Variants in ITSN1 observed in about 807,000 individuals in gnomAD.
The protein encoded by ITSN1 is intersectin-1.
Under a neutral mutation model 239.8 loss-of-function variants are expected in ITSN1, and 58 were observed. The ratio of observed to expected loss-of-function variants is 0.24; its 90% CI spans 0.20 to 0.30. ITSN1 has a LOEUF of 0.30. ITSN1 is among the 10% of genes least tolerant of loss of function. The pLI is 1.00. For synonymous variants in ITSN1, 780 were observed against 770.8 expected, an observed-to-expected ratio of 1.01 and a Z score of -0.20; for missense variants, 1,558 against 2,103.3, an observed-to-expected ratio of 0.74 and a Z score of 5.07.
Position 33,648,333 on chromosome 21 carries a change from T to C in ITSN1, c.-33+5620T>C, listed in dbSNP as rs531811046. On this transcript the variant is annotated intron_variant, in intron 1 of 39. Transcript: ENST00000381318. ...GCCTTGGAAACTAGGGTACCAGCAA[T>C]TAGAGAGCCAGCAAGTGTCTGAGCA... is the stretch of plus-strand genomic sequence containing the variant. Among the ~76,000 whole-genome samples the C allele has an allele frequency of 2.0e-5, 3 of 152,328 alleles. No homozygotes were observed. The East Asian group carries it at 5.8e-4, about 29-fold the overall frequency.
intron 10 of ITSN1, 138 bp downstream of exon 10, chr21:33,766,150 C>G (rs2068708391): frequency 1.2e-6 from 1 of 861,512 alleles, no homozygotes; most frequent in Admixed American, 2.5e-5. Flanking sequence ...AGACTCTCAT[C>G]TAGGTCTATG....
chr21:33,693,336 T>A (rs1270403914), intron 1 of ITSN1, among the ~76,000 whole-genome samples: 1 of 151,560 alleles, frequency 6.6e-6, no homozygotes, highest in Non-Finnish European at 1.5e-5. Context: ...TTTTTTGTTT[T>A]GTTTTGTTTT....
rs182255495 is a variant in ITSN1 at position 33,825,368 on chromosome 21, T to C, written c.3184-1450T>C. ...GAAAACTCAGCTCTTTCGTCCTACT[T>C]GAATACAGAATTCAGTGTAAAAGCA... On this transcript the variant is annotated intron_variant, in intron 25 of 39. Coordinates refer to ENST00000381318, the MANE Select transcript of ITSN1 (RefSeq NM_003024.3). Among the ~76,000 whole-genome samples, 641 of 152,298 alleles carry C rather than the reference T, an allele frequency of 4.2e-3. 4 individuals are homozygous for C. The highest frequency in any genetic ancestry group is 0.015 in the African/African-American group (618 of 41,564).
rs765494185 is a variant in ITSN1 at position 33,888,189 on chromosome 21, C to G, written c.5055C>G (p.Ile1685Met). ...LGRTEIRVAD[I>M]KKDQGSKGPV... is the part of the protein sequence containing the mutation. ...GGACGGAGATCCGTGTGGCGGACAT[C>G]AAGAAAGACCAGGGCTCCAAAGGTC... Residue 1685 changes from isoleucine to methionine, a missense_variant, in exon 40 of 40, where the codon ATC (isoleucine) becomes ATG (methionine). By Grantham distance (10) the Ile-to-Met change is conservative. Coordinates refer to ENST00000381318, the MANE Select transcript of ITSN1 (RefSeq NM_003024.3). The G allele has an allele frequency of 1.2e-6, 2 of 1,613,990 alleles. No individual in the cohort carries two copies. Among genetic ancestry groups the G allele is most frequent in the African/African-American group, 1.3e-5 (1 of 74,906 alleles).
At chr21:33,730,224 T>C (rs1056431522) in intron 4 of ITSN1, among the ~76,000 whole-genome samples, 2 of 152,038 alleles carry the variant, frequency 1.3e-5, no homozygotes, top group South Asian at 2.1e-4. Context: ...CCCTCTTCTA[T>C]CCCTTTACCC....
chr21:33,662,587 C>T (rs898507136), intron 1 of ITSN1, among the ~76,000 whole-genome samples: 1 of 152,060 alleles, frequency 6.6e-6, no homozygotes, highest in Non-Finnish European at 1.5e-5. Context: ...TGAATGATAC[C>T]CATTTTCCTA....
intron 9 of ITSN1, 73 bp downstream of exon 9, chr21:33,762,059 AG>A: frequency 9.5e-7 from 1 of 1,050,016 alleles, no homozygotes; most frequent in Non-Finnish European, 1.5e-6. Context: ...CATGGGTTTT[AG>A]ATTAATACCG....
chr21:33,790,521 C>T (rs969666805), intron 16 of ITSN1, among the ~76,000 whole-genome samples: 6 of 151,946 alleles, frequency 3.9e-5, no homozygotes, highest in African/African-American at 1.5e-4. Context: ...CAAAGTTGTA[C>T]ACTCCGTACT....
Position 33,751,877 on chromosome 21 carries a change from A to G in ITSN1, c.594A>G (p.Leu198=), listed in dbSNP as rs748119965. 10 of 1,613,578 alleles carry G rather than the reference A, an allele frequency of 6.2e-6. No individual in the cohort carries two copies. Among genetic ancestry groups the G allele is most frequent in the Non-Finnish European group, 8.5e-6 (10 of 1,179,566 alleles). The part of the protein sequence containing the change: ...SGPGSQLNTK[L]QKAQSFDVAS... ...CAGGGTCACAACTAAACACTAAATT[A>G]CAAAAGGCACAGTCATTTGATGTGG... The change falls in exon 7 of 40, where the codon TTA becomes TTG. Residue 198 remains leucine, a synonymous_variant. Transcript: ENST00000381318.
chr21:33,736,507 C>T (rs1285024561), intron 5 of ITSN1, among the ~76,000 whole-genome samples: 3 of 152,124 alleles, frequency 2.0e-5, no homozygotes, highest in South Asian at 2.1e-4. Context: ...TGAGCAAAGG[C>T]GAGGAAGAGC....
intron 1 of ITSN1, among the ~76,000 whole-genome samples, chr21:33,656,165 C>T (rs899504319): frequency 1.3e-5 from 2 of 152,044 alleles, no homozygotes; most frequent in East Asian, 1.9e-4. Context: ...CCAAGGGAAA[C>T]GTGTACTCTC....
At chr21:33,859,357 C>T (rs1380224741) in intron 31 of ITSN1, among the ~76,000 whole-genome samples, 2 of 152,158 alleles carry the variant, frequency 1.3e-5, no homozygotes, top group East Asian at 3.8e-4. Flanking sequence ...GACTTACTCA[C>T]TGCCTTTCCT....
chr21:33,825,701 T>G (rs2073938771), intron 25 of ITSN1, among the ~76,000 whole-genome samples: 1 of 152,226 alleles, frequency 6.6e-6, no homozygotes, highest in East Asian at 1.9e-4. Flanking sequence ...GAAAGTTAAC[T>G]GGTCACTGGA....
chr21:33,643,082 C>A (rs1335715545), intron 1 of ITSN1, among the ~76,000 whole-genome samples: 1 of 150,704 alleles, frequency 6.6e-6, no homozygotes, highest in Non-Finnish European at 1.5e-5. Context: ...CCTTCCCGGG[C>A]TGACCTCGCT....
chr21:33,691,964 T>G (rs1041654464), intron 1 of ITSN1, among the ~76,000 whole-genome samples: 1 of 152,232 alleles, frequency 6.6e-6, no homozygotes, highest in African/African-American at 2.4e-5. Flanking sequence ...CTAACAAGAT[T>G]GTTGCCGAAG....
Position 33,735,151 on chromosome 21 carries a change from T to C in ITSN1, c.293T>C (p.Leu98Pro). The C allele has an allele frequency of 6.2e-7, 1 of 1,613,974 alleles. No homozygotes were observed. Among genetic ancestry groups the C allele is most frequent in the Non-Finnish European group, 8.5e-7 (1 of 1,179,912 alleles). The change falls in exon 5 of 40, where the codon CTT becomes CCT. Residue 98 changes from leucine (L) to proline (P), a missense_variant. Around this residue, in one of 2 missense-constraint regions of ITSN1, gnomAD observed 982 missense variants for 1,209.9 expected, o/e 0.81. Transcript: ENST00000381318. ...CAAGGATATCAGCTACCCTCTGCAC[T>C]TCCCCCTGTCATGAAACAGCAACCA... ...KLQGYQLPSA[L>P]PPVMKQQPVA...
intron 5 of ITSN1, among the ~76,000 whole-genome samples, chr21:33,747,533 ACAT>A (rs1397546954): frequency 2.0e-5 from 3 of 152,210 alleles, no homozygotes; most frequent in African/African-American, 7.2e-5. Context: ...ACACCCAGAC[ACAT>A]CATAGTTAAC....
chr21:33,785,286 G>A (rs1162680721), intron 16 of ITSN1, among the ~76,000 whole-genome samples: 1 of 152,146 alleles, frequency 6.6e-6, no homozygotes, highest in East Asian at 1.9e-4. Context: ...TGGGTAAATT[G>A]CAATAAGTCA....
intron 1 of ITSN1, among the ~76,000 whole-genome samples, chr21:33,679,268 C>G (rs968021035): frequency 6.6e-6 from 1 of 152,092 alleles, no homozygotes; most frequent in African/African-American, 2.4e-5. Context: ...TTTGTGTTCT[C>G]TTATTCCTAT....
Sources: gnomAD v4.1 joint callset for allele counts (sites outside exome capture counted in the v4.1 genomes callset) on GRCh38, gnomAD v4.1.1 for gene constraint, gnomAD v4.1.1 regional missense constraint, MANE v1.5 for transcripts, NCBI Gene and HGNC (gene_info 2026-07-23, HGNC 2026-07-21) for gene names.